SGSM1: variants seen among roughly 807,000 people sequenced by gnomAD.
SGSM1 encodes the protein small G protein signaling modulator 1.
In SGSM1, 73 loss-of-function variants were observed where a neutral mutation model predicts 133.8. The ratio of observed to expected loss-of-function variants is 0.55; its 90% CI spans 0.45 to 0.66. The LOEUF is 0.66. Ranked by LOEUF, SGSM1 falls within the 30% of genes least tolerant of loss-of-function variation. The pLI is 0.00. For synonymous variants in SGSM1, 563 were observed against 573.0 expected, an observed-to-expected ratio of 0.98 and a Z score of 0.25; for missense variants, 1,213 against 1,448.1, an observed-to-expected ratio of 0.84 and a Z score of 2.64.
intron 12 of SGSM1, chr22:24,874,394 C>A: frequency 6.3e-7 from 1 of 1,595,446 alleles, no homozygotes; most frequent in Non-Finnish European, 8.5e-7. Flanking sequence ...CTCACTGGTT[C>A]TTTCTGTTTT....
intron 12 of SGSM1, chr22:24,874,629 T>C: frequency 6.6e-7 from 1 of 1,513,480 alleles, no homozygotes; most frequent in Non-Finnish European, 8.8e-7. Context: ...CAGCCACCTC[T>C]GCCATGTTGT....
chr22:24,906,342 A>G (rs922804716), intron 21 of SGSM1, among the ~76,000 whole-genome samples: 12 of 152,356 alleles, frequency 7.9e-5, no homozygotes, highest in Admixed American at 6.5e-4. Flanking sequence ...CCCTGAGAGC[A>G]GGAACAGGAC....
chr22:24,816,413 C>CTT (rs1479240071), intron 2 of SGSM1, among the ~76,000 whole-genome samples: 13 of 116,492 alleles, frequency 1.1e-4, no homozygotes, highest in African/African-American at 3.7e-4. Flanking sequence ...TCTTTTTTTT[C>CTT]TTTCTTTTTT....
At chr22:24,861,821 T>TA (rs1931170353) in intron 9 of SGSM1, among the ~76,000 whole-genome samples, 1 of 151,812 alleles carries the variant, frequency 6.6e-6, no homozygotes, top group Admixed American at 6.6e-5. Flanking sequence ...AGGTTATTTT[T>TA]ATTTTTTTTT....
intron 12 of SGSM1, among the ~76,000 whole-genome samples, chr22:24,875,648 A>T (rs1569158622): frequency 2.0e-5 from 3 of 151,966 alleles, no homozygotes; most frequent in African/African-American, 7.2e-5. Context: ...TCAGAAAAAA[A>T]AAAAAAGAAA....
chr22:24,873,356 G>A (rs1460358701), intron 12 of SGSM1, among the ~76,000 whole-genome samples: 1 of 151,994 alleles, frequency 6.6e-6, no homozygotes, highest in Non-Finnish European at 1.5e-5. Context: ...CCTTGTGTGG[G>A]GGTTGCCTTG....
chr22:24,911,986 C>A (rs1463370935), intron 21 of SGSM1, among the ~76,000 whole-genome samples: 1 of 149,982 alleles, frequency 6.7e-6, no homozygotes, highest in Non-Finnish European at 1.5e-5. Flanking sequence ...ACCTGGGAGG[C>A]GGAGCTTGCA....
At chr22:24,874,385 T>C in intron 12 of SGSM1, 1 of 1,584,116 alleles carries the variant, frequency 6.3e-7, no homozygotes, top group Non-Finnish European at 8.6e-7. Flanking sequence ...AACCCCCACC[T>C]CACTGGTTCT....
chr22:24,903,638 A>T (rs116242550), intron 20 of SGSM1, among the ~76,000 whole-genome samples: 363 of 151,274 alleles, frequency 2.4e-3, no homozygotes, highest in African/African-American at 8.6e-3. Context: ...GGGAGAAATC[A>T]TGGAAGACTT....
chr22:24,869,118 T>C (rs772579512), intron 12 of SGSM1, among the ~76,000 whole-genome samples: 1 of 152,204 alleles, frequency 6.6e-6, no homozygotes, highest in African/African-American at 2.4e-5. Context: ...CTGGCTGAAC[T>C]TGGGCAAGTC....
intron 2 of SGSM1, among the ~76,000 whole-genome samples, chr22:24,810,390 C>G (rs1309493304): frequency 6.6e-6 from 1 of 151,230 alleles, no homozygotes; most frequent in Non-Finnish European, 1.5e-5. Flanking sequence ...AAGCTGGAAA[C>G]AAGGTGGCCT....
At chr22:24,854,873 A>C (rs1930676783) in intron 5 of SGSM1, 123 bp from the exon 6 acceptor site, 1 of 680,050 alleles carries the variant, frequency 1.5e-6, no homozygotes, top group African/African-American at 1.8e-5. Context: ...TCCCCATTTT[A>C]CAGATGGGGC....
chr22:24,835,609 G>A (rs1392564193), intron 2 of SGSM1, among the ~76,000 whole-genome samples: 1 of 152,162 alleles, frequency 6.6e-6, no homozygotes, highest in Non-Finnish European at 1.5e-5. Context: ...GATCGTCAGG[G>A]AAGGTGACAT....
At chr22:24,850,509 A>C in intron 5 of SGSM1, 77 bp downstream of exon 5, 3 of 1,557,100 alleles carry the variant, frequency 1.9e-6, no homozygotes, top group East Asian at 2.3e-5. Flanking sequence ...ACCCCCTGGC[A>C]CAAAGCTGCT....
intron 13 of SGSM1, among the ~76,000 whole-genome samples, chr22:24,878,211 C>T (rs1168439356): frequency 2.6e-5 from 4 of 152,148 alleles, no homozygotes; most frequent in African/African-American, 9.7e-5. Context: ...TAGGTATGTG[C>T]AGGACCCAGG....
chr22:24,921,990 C>T (rs901595934), intron 24 of SGSM1, among the ~76,000 whole-genome samples: 11 of 151,938 alleles, frequency 7.2e-5, no homozygotes, highest in South Asian at 2.1e-4. Flanking sequence ...TGTGAACCAC[C>T]GTGCCTAGCC....
chr22:24,888,976 C>CT (rs1253777184), intron 16 of SGSM1, among the ~76,000 whole-genome samples: 1 of 105,678 alleles, frequency 9.5e-6, no homozygotes, highest in Admixed American at 1.5e-4. Flanking sequence ...GACAGAGTGT[C>CT]TGTCTGTCAG....
At chr22:24,892,732 G>A (rs1243809238) in intron 16 of SGSM1, among the ~76,000 whole-genome samples, 2 of 151,986 alleles carry the variant, frequency 1.3e-5, no homozygotes, top group East Asian at 3.9e-4. Flanking sequence ...GAGAGGGAAG[G>A]TAGTAAAAAA....
At chr22:24,851,801 G>A (rs1464569802) in intron 5 of SGSM1, among the ~76,000 whole-genome samples, 2 of 152,326 alleles carry the variant, frequency 1.3e-5, no homozygotes, top group South Asian at 2.1e-4. Flanking sequence ...CATTAGCCAG[G>A]TGATGGGATG....
Sources: gnomAD v4.1 joint callset for allele counts (sites outside exome capture counted in the v4.1 genomes callset) on GRCh38, gnomAD v4.1.1 for gene constraint, MANE v1.5 for transcripts, NCBI Gene and HGNC (gene_info 2026-07-23, HGNC 2026-07-21) for gene names.